Variants in RCBTB1 observed in about 807,000 individuals in gnomAD.
RCBTB1 encodes the protein RCC1 and BTB domain-containing protein 1.
RCBTB1 carries 46 observed loss-of-function variants against 62.4 expected under a neutral mutation model. That is an observed-to-expected ratio of 0.74 (90% CI 0.58 to 0.94). RCBTB1 has a LOEUF of 0.94. Among genes scored for constraint, RCBTB1 ranks in the 40% least tolerant of loss-of-function variants. The probability of loss-of-function intolerance (pLI) is 0.00; values close to 1 mark genes in which losing one functional copy is unlikely to be tolerated. For synonymous variants in RCBTB1, 222 were observed against 245.8 expected (o/e 0.90, Z 0.91); for missense variants, 565 against 654.9 (o/e 0.86, Z 1.50).
At chr13:49,534,401 G>A in intron 12 of RCBTB1, 139 bp from the exon 13 acceptor site, 2 of 795,618 alleles carry the variant, frequency 2.5e-6, no homozygotes, top group Non-Finnish European at 3.9e-6. Flanking sequence ...CCTAAAACTA[G>A]GCAAAAAGGT....
chr13:49,561,318 C>T (rs1166068221), intron 4 of RCBTB1, among the ~76,000 whole-genome samples: 1 of 152,214 alleles, frequency 6.6e-6, no homozygotes, highest in Admixed American at 6.5e-5. Flanking sequence ...AGAACGAAGA[C>T]AGCCCACACA....
intron 9 of RCBTB1, among the ~76,000 whole-genome samples, chr13:49,547,445 AT>A (rs1194554037): frequency 2.6e-5 from 4 of 152,240 alleles, no homozygotes; most frequent in Non-Finnish European, 4.4e-5. Flanking sequence ...ACAGAGCATC[AT>A]GACCCACTTA....
intron 9 of RCBTB1, among the ~76,000 whole-genome samples, chr13:49,548,177 G>A (rs1183601134): frequency 1.3e-5 from 2 of 151,930 alleles, no homozygotes; most frequent in Non-Finnish European, 1.5e-5. Flanking sequence ...GGATCACGAG[G>A]TCAGGAGTTC....
In RCBTB1 at chr13:49,533,316, G is replaced by C. The variant is rs1414441463; in HGVS notation, c.*806C>G. The C allele has an allele frequency of 1.3e-5, 2 of 152,150 alleles. No homozygotes were observed. The highest frequency in any genetic ancestry group is 2.9e-5 in the Non-Finnish European group (2 of 68,036). 9.4% of individuals were successfully genotyped at this position (152,150 alleles called of 1,614,324 possible). On this transcript the variant is annotated 3_prime_UTR_variant, in exon 13 of 13. Coordinates refer to ENST00000378302, the MANE Select transcript of RCBTB1 (RefSeq NM_018191.4). ...AGGTGGTGGGGGACAATTTAAACTT[G>C]AGTTCTCAAGTTCTACCTTAATGAA... is the stretch of plus-strand genomic sequence containing the variant.
chr13:49,582,028 T>C (rs767643485), intron 1 of RCBTB1, among the ~76,000 whole-genome samples: 7 of 152,288 alleles, frequency 4.6e-5, no homozygotes, highest in African/African-American at 7.2e-5. Flanking sequence ...CAGAATGTGA[T>C]AGAGTTGCAG....
chr13:49,570,822 G>C (rs747696541), intron 2 of RCBTB1, among the ~76,000 whole-genome samples: 1 of 152,164 alleles, frequency 6.6e-6, no homozygotes, highest in Non-Finnish European at 1.5e-5. Flanking sequence ...CTCTTGTGAG[G>C]AGGAGACTGT....
chr13:49,564,915 G>C (rs1014562943), intron 4 of RCBTB1, among the ~76,000 whole-genome samples: 5 of 151,820 alleles, frequency 3.3e-5, no homozygotes, highest in African/African-American at 1.2e-4. Context: ...AGAAAGAAAA[G>C]AAAAACGTAC....
intron 7 of RCBTB1, 50 bp downstream of exon 7, chr13:49,552,128 A>G: frequency 3.4e-6 from 4 of 1,189,654 alleles, no homozygotes; most frequent in Non-Finnish European, 4.9e-6. Flanking sequence ...TCCAAGTTAG[A>G]GCAAGGAAGG....
Position 49,555,582 on chromosome 13 carries a change from T to G in RCBTB1, c.536A>C (p.His179Pro). ...PTPRKVTNCL[H>P]IKRVVGIACG... Reference sequence around the variant, plus strand: ...GGCAATGCCAACTACCCTCTTAATATGTAAACAGTTTGTAACTTTTCGAGG... The same window carrying G: ...GGCAATGCCAACTACCCTCTTAATAGGTAAACAGTTTGTAACTTTTCGAGG... Residue 179 changes from histidine (H) to proline (P), a missense_variant, in exon 6 of 13, where the codon CAT (histidine) becomes CCT (proline). Physicochemically the swap from His to Pro is moderately conservative, Grantham distance 77. Transcript: ENST00000378302. The G allele has an allele frequency of 6.2e-7, 1 of 1,613,832 alleles. No individual in the cohort carries two copies. Among genetic ancestry groups the G allele is most frequent in the South Asian group, 1.1e-5 (1 of 91,050 alleles).
intron 12 of RCBTB1, chr13:49,539,543 C>T (rs368445009): frequency 6.6e-6 from 1 of 152,088 alleles, no homozygotes; most frequent in Non-Finnish European, 1.5e-5. Context: ...GTATGGAACT[C>T]GTTAACAAGG....
intron 2 of RCBTB1, among the ~76,000 whole-genome samples, chr13:49,568,375 C>G (rs1963168877): frequency 6.6e-6 from 1 of 152,144 alleles, no homozygotes; most frequent in Non-Finnish European, 1.5e-5. Flanking sequence ...ATTGACATGT[C>G]TTGTTTTATA....
At chr13:49,575,651 T>C (rs1458608814) in intron 2 of RCBTB1, among the ~76,000 whole-genome samples, 1 of 151,792 alleles carries the variant, frequency 6.6e-6, no homozygotes, top group Non-Finnish European at 1.5e-5. Context: ...GAAAACCAAA[T>C]ACCACATGTT....
chr13:49,553,642 T>C (rs946695787), intron 6 of RCBTB1, among the ~76,000 whole-genome samples: 7 of 152,168 alleles, frequency 4.6e-5, no homozygotes, highest in African/African-American at 1.7e-4. Flanking sequence ...AACCCAAGAT[T>C]TGTGGTGGCA....
intron 4 of RCBTB1, 43 bp downstream of exon 4, chr13:49,566,575 C>T: frequency 6.3e-7 from 1 of 1,587,248 alleles, no homozygotes; most frequent in Non-Finnish European, 8.6e-7. Context: ...ATTAACCGGT[C>T]AATTTCTTAC....
At chr13:49,572,954 C>G (rs1161593648) in intron 2 of RCBTB1, among the ~76,000 whole-genome samples, 1 of 152,174 alleles carries the variant, frequency 6.6e-6, no homozygotes, top group African/African-American at 2.4e-5. Context: ...TCAGCCCAGG[C>G]CTTCCCTGAC....
chr13:49,582,824 TC>T (rs56354206), intron 1 of RCBTB1, among the ~76,000 whole-genome samples: 126,967 of 152,110 alleles, frequency 0.83, 53,144 homozygotes, highest in East Asian at 0.89. Flanking sequence ...CACCTATTTT[TC>T]CCCTATGAAG....
intron 8 of RCBTB1, chr13:49,550,377 G>A (rs926177961): frequency 4.4e-6 from 4 of 914,946 alleles, no homozygotes; most frequent in Non-Finnish European, 3.9e-6. Context: ...GACTCTGAAC[G>A]TTCCAATCCA....
rs982390875 is a variant in RCBTB1, at chr13:49,549,890, G to A, written c.855-242C>T. The A allele has an allele frequency of 5.7e-5, 56 of 985,368 alleles. No homozygotes were observed. The African/African-American group carries it at 8.9e-4, about 16-fold the overall frequency. 61.0% of individuals were successfully genotyped at this position (985,368 alleles called of 1,614,324 possible). On this transcript the variant is annotated intron_variant, in intron 8 of 12. Transcript: ENST00000378302. ...TGAGTTAGGATAGATCACACAGACC[G>A]CCGAGGAAAACTTGGAAAACAGACC...
Position 49,533,642 on chromosome 13 carries a change from A to T in RCBTB1, c.*480T>A, listed in dbSNP as rs1335293747. On this transcript the variant is annotated 3_prime_UTR_variant, in exon 13 of 13. Transcript: ENST00000378302. Reference sequence around the variant, plus strand: ...ATTATTCCTTCACAGTAAGGCTACTAAACTAGCAACTAAGGCAGCACTTAA... The same window carrying T: ...ATTATTCCTTCACAGTAAGGCTACTTAACTAGCAACTAAGGCAGCACTTAA... The T allele has an allele frequency of 2.6e-5, 4 of 152,590 alleles. No homozygotes were observed. The highest frequency in any genetic ancestry group is 5.9e-5 in the Non-Finnish European group (4 of 68,304). 9.5% of individuals were successfully genotyped at this position (152,590 alleles called of 1,614,324 possible).
Sources: gnomAD v4.1 joint callset for allele counts (sites outside exome capture counted in the v4.1 genomes callset) on GRCh38, gnomAD v4.1.1 for gene constraint, MANE v1.5 for transcripts, NCBI Gene and HGNC (gene_info 2026-07-23, HGNC 2026-07-21) for gene names.